The following CSF2RA variants were observed in gnomAD, a reference collection of about 807,000 sequenced individuals.
CSF2RA encodes granulocyte-macrophage colony-stimulating factor receptor subunit alpha.
Under a neutral mutation model 51.6 loss-of-function variants are expected in CSF2RA, and 42 were observed. The ratio of observed to expected loss-of-function variants is 0.81; its 90% CI spans 0.64 to 1.05. CSF2RA has a LOEUF of 1.05. Among genes scored for constraint, CSF2RA ranks in the 50% least tolerant of loss-of-function variants. CSF2RA has a pLI of 0.00. For synonymous variants in CSF2RA, 222 were observed against 193.0 expected, an observed-to-expected ratio of 1.15 and a Z score of -1.24; for missense variants, 530 against 501.1, an observed-to-expected ratio of 1.06 and a Z score of -0.55.
downstream of CSF2RA, among the ~76,000 whole-genome samples, chrX:1,315,093 A>G (rs1244271309): frequency 1.3e-5 from 2 of 151,848 alleles, no homozygotes; most frequent in South Asian, 2.1e-4. Flanking sequence ...GACTGTTTAT[A>G]AGATGCATGC....
intron 1 of CSF2RA, among the ~76,000 whole-genome samples, chrX:1,272,482 T>G (rs2088565917): frequency 6.6e-6 from 1 of 151,484 alleles, no homozygotes; most frequent in Admixed American, 6.6e-5. Flanking sequence ...TTCTTTATTT[T>G]ATTTTATTTT....
chrX:1,271,547 T>C (rs34340145), intron 1 of CSF2RA, among the ~76,000 whole-genome samples: 59,294 of 151,212 alleles, frequency 0.39, 13,772 homozygotes, highest in Non-Finnish European at 0.51. Context: ...GACAGTATCT[T>C]GCTCTGTTGC....
At chrX:1,323,305 G>A in the CSF2RA span, among the ~76,000 whole-genome samples, 1 of 150,254 alleles carries the variant, frequency 6.7e-6, no homozygotes, top group Non-Finnish European at 1.5e-5. Flanking sequence ...CCTGAGGTCG[G>A]GAGTTCAAGA....
chrX:1,269,386 T>C (rs1401189997), intron 1 of CSF2RA, among the ~76,000 whole-genome samples: 1 of 151,906 alleles, frequency 6.6e-6, no homozygotes, highest in Non-Finnish European at 1.5e-5. Context: ...TTTGGGAGAC[T>C]GAGGCGGGTG....
intron 9 of CSF2RA, chrX:1,295,717 G>C: frequency 1.5e-6 from 1 of 647,926 alleles, no homozygotes; most frequent in Non-Finnish European, 2.8e-6. Flanking sequence ...AGTGTAAGGA[G>C]GAGGAGACCC....
chrX:1,321,551 G>C, the CSF2RA span, among the ~76,000 whole-genome samples: 2 of 151,160 alleles, frequency 1.3e-5, no homozygotes, highest in Admixed American at 6.6e-5. Flanking sequence ...CTCCAGCCTG[G>C]GGGACAGAGC....
At chrX:1,287,692 C>T (rs1357719180) in intron 4 of CSF2RA, among the ~76,000 whole-genome samples, 5 of 139,076 alleles carry the variant, frequency 3.6e-5, no homozygotes, top group African/African-American at 2.7e-5. Flanking sequence ...GATCCACCCG[C>T]CTCGGCCTCC....
intron 2 of CSF2RA, among the ~76,000 whole-genome samples, chrX:1,281,015 C>CCTCCTCCTTCTCCTCCTCCTCCTT (rs2089932873): frequency 9.2e-6 from 1 of 108,872 alleles, no homozygotes; most frequent in Admixed American, 9.9e-5. Context: ...TCCTTCTCCT[C>CCTCCTCCTTCTCCTCCTCCTCCTT]CTCCTCCTTC....
chrX:1,276,021 G>A (rs2089146921), intron 2 of CSF2RA, among the ~76,000 whole-genome samples: 1 of 151,322 alleles, frequency 6.6e-6, no homozygotes, highest in Admixed American at 6.6e-5. Flanking sequence ...TATTTTTTGT[G>A]ACAGAGTCTC....
chrX:1,307,278 C>G (rs1353757046), intron 12 of CSF2RA, among the ~76,000 whole-genome samples: 4 of 152,154 alleles, frequency 2.6e-5, no homozygotes, highest in African/African-American at 7.2e-5. Context: ...ATCCTTTAGA[C>G]GTTTGACTGA....
chrX:1,273,591 A>G (rs1318335932), intron 1 of CSF2RA, among the ~76,000 whole-genome samples: 3 of 151,276 alleles, frequency 2.0e-5, no homozygotes, highest in Non-Finnish European at 4.4e-5. Context: ...GGCCTCCCAA[A>G]GTGCTGGGAT....
downstream of CSF2RA, among the ~76,000 whole-genome samples, chrX:1,314,968 CT>C (rs2084499824): frequency 2.8e-4 from 32 of 112,886 alleles, 1 homozygote; most frequent in African/African-American, 8.5e-4. Flanking sequence ...CCCAACCCCA[CT>C]GTGCCTGCCC....
At chrX:1,299,199 G>C (rs1391594948) in intron 9 of CSF2RA, among the ~76,000 whole-genome samples, 1 of 152,064 alleles carries the variant, frequency 6.6e-6, no homozygotes, top group African/African-American at 2.4e-5. Context: ...CTCTACGTGG[G>C]TTAAGAATAT....
chrX:1,306,515 C>A (rs145941431), intron 12 of CSF2RA, among the ~76,000 whole-genome samples: 2 of 151,580 alleles, frequency 1.3e-5, no homozygotes, highest in South Asian at 4.2e-4. Context: ...GGTGTGGTGG[C>A]GCACACCTGT....
At chrX:1,289,464 G>C (rs1449007343) in intron 6 of CSF2RA, among the ~76,000 whole-genome samples, 2 of 151,872 alleles carry the variant, frequency 1.3e-5, no homozygotes, top group Non-Finnish European at 2.9e-5. Flanking sequence ...TGTGTTTTTT[G>C]TTTTGTTTTG....
chrX:1,304,047 C>G (rs377046895), intron 11 of CSF2RA, 28 bp downstream of exon 11: 8 of 1,572,214 alleles, frequency 5.1e-6, no homozygotes, highest in Non-Finnish European at 7.0e-6. Context: ...TGGGCCTCCC[C>G]AATGAAAACA....
At chrX:1,283,821 G>T (rs28457656) in intron 3 of CSF2RA, among the ~76,000 whole-genome samples, 31 of 151,720 alleles carry the variant, frequency 2.0e-4, no homozygotes, top group African/African-American at 7.2e-4. Context: ...CCCGTGCCTC[G>T]GCCTCCCAAA....
chrX:1,295,727 C>G (rs2091878671), intron 9 of CSF2RA: 5 of 430,938 alleles, frequency 1.2e-5, no homozygotes, highest in Non-Finnish European at 2.1e-5. Context: ...GGAGGAGACC[C>G]TGCCCCACCT....
chrX:1,309,391 C>A lies in CSF2RA; in HGVS notation c.1126-11C>A. On this transcript the variant is annotated splice_polypyrimidine_tract_variant and intron_variant, in intron 12 of 12. Transcript: ENST00000381529. ...TGAAGATCTGACAGCCTGAACCCTC[C>A]TTTTTCTCAGATCATCTGGGAGGAA... 1 of 1,613,726 alleles carries A rather than the reference C, an allele frequency of 6.2e-7. No homozygotes were observed. Among genetic ancestry groups the A allele is most frequent in the South Asian group, 1.1e-5 (1 of 91,074 alleles).
Sources: allele counts gnomAD v4.1 joint callset (sites outside exome capture counted in the v4.1 genomes callset), GRCh38; gene constraint gnomAD v4.1.1; transcripts MANE v1.5; gene names NCBI Gene and HGNC (gene_info 2026-07-23, HGNC 2026-07-21).